GREB1L: variants seen among roughly 807,000 people sequenced by gnomAD.
GREB1L encodes GREB1 like retinoic acid receptor coactivator, also known as GREB1-like protein.
Under a neutral mutation model 200.8 loss-of-function variants are expected in GREB1L, and 17 were observed. That is an observed-to-expected ratio of 0.08 (90% CI 0.06 to 0.13). The LOEUF (loss-of-function observed/expected upper bound fraction) is 0.13. Among genes scored for constraint, GREB1L ranks in the 10% least tolerant of loss-of-function variants. GREB1L has a pLI of 1.00. For synonymous variants in GREB1L, 789 were observed against 893.0 expected, an observed-to-expected ratio of 0.88 and a Z score of 2.08; for missense variants, 1,657 against 2,367.7, an observed-to-expected ratio of 0.70 and a Z score of 6.23.
intron 27 of GREB1L, among the ~76,000 whole-genome samples, chr18:21,513,231 A>G (rs1012850834): frequency 6.6e-6 from 1 of 152,154 alleles, no homozygotes; most frequent in Non-Finnish European, 1.5e-5. Flanking sequence ...CTTAATCTCT[A>G]TACCATATTG....
At chr18:21,365,431 T>A (rs1045200841) in intron 1 of GREB1L, among the ~76,000 whole-genome samples, 2 of 152,180 alleles carry the variant, frequency 1.3e-5, no homozygotes, top group Non-Finnish European at 2.9e-5. Context: ...ATGCATACTA[T>A]ACTTTTCAAC....
chr18:21,242,997 A>C (rs576682092), intron 1 of GREB1L, among the ~76,000 whole-genome samples: 2 of 151,982 alleles, frequency 1.3e-5, no homozygotes, highest in Non-Finnish European at 2.9e-5. Context: ...CTCAACACCA[A>C]ATGTCACTTC....
In GREB1L at chr18:21,321,317, C is replaced by A. The variant is rs1354583600; in HGVS notation, c.-119-44710C>A. On this transcript the variant is annotated intron_variant, in intron 1 of 32. Transcript: ENST00000424526. ...TAAAATTAAATAAATAAAATAAAAT[C>A]TTAAGAAACCTTATCAGAAACTAAA... is the stretch of plus-strand genomic sequence containing the variant. Among the ~76,000 whole-genome samples the A allele has an allele frequency of 2.0e-5, 3 of 151,608 alleles. No individual in the cohort carries two copies. The East Asian group carries it at 5.9e-4, about 30-fold the overall frequency.
chr18:21,346,497 C>G (rs1452065822), intron 1 of GREB1L, among the ~76,000 whole-genome samples: 1 of 151,960 alleles, frequency 6.6e-6, no homozygotes, highest in African/African-American at 2.4e-5. Flanking sequence ...CTAACATGCC[C>G]TCTCTCACAC....
At chr18:21,320,433 T>C (rs1033387256) in intron 1 of GREB1L, among the ~76,000 whole-genome samples, 1 of 152,006 alleles carries the variant, frequency 6.6e-6, no homozygotes, top group Non-Finnish European at 1.5e-5. Flanking sequence ...AAATGAAAGA[T>C]GAAATACAGT....
At chr18:21,312,125 T>A (rs1287366026) in intron 1 of GREB1L, among the ~76,000 whole-genome samples, 1 of 152,190 alleles carries the variant, frequency 6.6e-6, no homozygotes, top group African/African-American at 2.4e-5. Context: ...GGCCTCCAGC[T>A]CCATCCATGT....
chr18:21,422,890 T>C (rs1022645572), intron 7 of GREB1L, among the ~76,000 whole-genome samples: 9 of 152,192 alleles, frequency 5.9e-5, no homozygotes, highest in Non-Finnish European at 1.2e-4. Context: ...AGTTTATTTA[T>C]TGAACTTTTG....
At chr18:21,452,304 C>A in intron 14 of GREB1L, 87 bp downstream of exon 14, 1 of 1,313,198 alleles carries the variant, frequency 7.6e-7, no homozygotes, top group Non-Finnish European at 1.0e-6. Context: ...TTTGAGGATT[C>A]TTCAAGTCAC....
At chr18:21,304,222 A>T (rs1567929200) in intron 1 of GREB1L, among the ~76,000 whole-genome samples, 1 of 148,726 alleles carries the variant, frequency 6.7e-6, no homozygotes, top group Non-Finnish European at 1.5e-5. Context: ...AGTTAAGCCC[A>T]TATTATTATT....
At chr18:21,326,270 A>G (rs371548093) in intron 1 of GREB1L, among the ~76,000 whole-genome samples, 3 of 152,234 alleles carry the variant, frequency 2.0e-5, no homozygotes, top group African/African-American at 4.8e-5. Context: ...AAAAGTTCAT[A>G]TAGAAAAAAA....
chr18:21,268,541 A>ACC, intron 1 of GREB1L, among the ~76,000 whole-genome samples: 1 of 95,186 alleles, frequency 1.1e-5, no homozygotes, highest in African/African-American at 5.4e-5. Context: ...ACACACACAC[A>ACC]CACACACACA....
chr18:21,483,835 G>C (rs2036014292), intron 17 of GREB1L, among the ~76,000 whole-genome samples: 1 of 151,888 alleles, frequency 6.6e-6, no homozygotes, highest in African/African-American at 2.4e-5. Context: ...AATTAGCTGG[G>C]TGTGGTGGTA....
intron 9 of GREB1L, 145 bp from the exon 10 acceptor site, chr18:21,441,255 C>T (rs2033883869): frequency 3.0e-6 from 2 of 655,858 alleles, no homozygotes; most frequent in East Asian, 6.7e-5. Flanking sequence ...TCACTTATCA[C>T]TTTACACAAT....
chr18:21,406,875 CTTTTTT>C (rs369137235), intron 7 of GREB1L, among the ~76,000 whole-genome samples: 2 of 131,952 alleles, frequency 1.5e-5, no homozygotes, highest in Admixed American at 1.6e-4. Context: ...CATTTTCTTC[CTTTTTT>C]TTTTTTTTTT....
intron 1 of GREB1L, among the ~76,000 whole-genome samples, chr18:21,287,723 G>A (rs1027675320): frequency 2.0e-5 from 3 of 151,904 alleles, no homozygotes; most frequent in South Asian, 2.1e-4. Flanking sequence ...ATAGGTTTTC[G>A]CAGCCTGTGA....
intron 7 of GREB1L, among the ~76,000 whole-genome samples, chr18:21,410,750 A>G (rs1276606502): frequency 6.6e-6 from 1 of 151,900 alleles, no homozygotes; most frequent in African/African-American, 2.4e-5. Flanking sequence ...AAAAAGCCAT[A>G]AATTGGGAGA....
intron 15 of GREB1L, among the ~76,000 whole-genome samples, chr18:21,467,620 C>T (rs1166736701): frequency 2.0e-5 from 3 of 152,128 alleles, no homozygotes; most frequent in Non-Finnish European, 2.9e-5. Context: ...GTTGGAACCT[C>T]GTACACTGCT....
At chr18:21,255,405 C>T (rs544303857) in intron 1 of GREB1L, among the ~76,000 whole-genome samples, 3 of 152,296 alleles carry the variant, frequency 2.0e-5, no homozygotes, top group Admixed American at 6.5e-5. Context: ...AATGAAGGAA[C>T]GGAACATTTC....
intron 1 of GREB1L, among the ~76,000 whole-genome samples, chr18:21,247,500 A>G (rs144162385): frequency 3.2e-4 from 49 of 152,268 alleles, no homozygotes; most frequent in African/African-American, 1.2e-3. Context: ...AGCAAGCACC[A>G]GTTGTGTCCT....
Sources: allele counts gnomAD v4.1 joint callset (sites outside exome capture counted in the v4.1 genomes callset), GRCh38; gene constraint gnomAD v4.1.1; transcripts MANE v1.5; gene names NCBI Gene and HGNC (gene_info 2026-07-23, HGNC 2026-07-21).